Variants in SCAF11 observed in about 807,000 individuals in gnomAD.
SCAF11 encodes the protein protein SCAF11.
In SCAF11, 47 loss-of-function variants were observed where a neutral mutation model predicts 140.5. That is an observed-to-expected ratio of 0.33 (90% confidence interval 0.26 to 0.43). The LOEUF (loss-of-function observed/expected upper bound fraction) is 0.43. Ranked by LOEUF, SCAF11 falls within the 20% of genes least tolerant of loss-of-function variation. SCAF11 has a pLI of 1.00. For missense variants in SCAF11, 1,645 were observed against 1,705.1 expected, an observed-to-expected ratio of 0.96 and a Z score of 0.62; for synonymous variants, 557 against 579.4, an observed-to-expected ratio of 0.96 and a Z score of 0.55.
At position 45,927,708 on chromosome 12, in the gene SCAF11, T is replaced by G. The variant is rs755138958; in HGVS notation, c.1993A>C (p.Asn665His). The change falls in exon 11 of 15, where the codon AAT (asparagine) becomes CAT (histidine). Residue 665 changes from asparagine to histidine, a missense_variant. Around this residue, in one of 2 missense-constraint regions of SCAF11, gnomAD observed 1,582 missense variants for 1,609.2 expected, o/e 0.98. Coordinates refer to ENST00000369367, the MANE Select transcript of SCAF11 (RefSeq NM_004719.3). The part of the protein sequence containing the change: ...EDFNNIQDSE[N>H]NLLKNNLLNT... ...AGAAGATTATTTTTTAGTAAGTTAT[T>G]TTCAGAGTCTTGAATATTATTGAAA... 1.1e-5 allele frequency: 18 copies of G among 1,612,052 alleles called. No homozygotes were observed. Among genetic ancestry groups the G allele is most frequent in the Non-Finnish European group, 1.5e-5 (18 of 1,179,376 alleles).
chr12:45,986,249 C>T (rs1946455724), intron 1 of SCAF11, among the ~76,000 whole-genome samples: 1 of 152,202 alleles, frequency 6.6e-6, no homozygotes, highest in African/African-American at 2.4e-5. Flanking sequence ...TACCTGAAAG[C>T]TCCAAAGGTA....
At chr12:45,967,085 AATTTATAATTT>A (rs1945967225) in intron 1 of SCAF11, among the ~76,000 whole-genome samples, 1 of 152,100 alleles carries the variant, frequency 6.6e-6, no homozygotes, top group South Asian at 2.1e-4. Flanking sequence ...CCTGATATAT[AATTTATAATTT>A]ATATTTTAAA....
At chr12:45,944,861 C>T (rs1389646631) in intron 6 of SCAF11, among the ~76,000 whole-genome samples, 1 of 152,202 alleles carries the variant, frequency 6.6e-6, no homozygotes, top group Non-Finnish European at 1.5e-5. Flanking sequence ...CTGTGAATTA[C>T]TTTCTTGCTG....
rs147710939 is a variant in SCAF11 at position 45,926,860 on chromosome 12, T to G, written c.2841A>C (p.Thr947=). Residue 947 remains threonine (T), a synonymous_variant, in exon 11 of 15, where the codon ACA becomes ACC. Coordinates refer to ENST00000369367, the MANE Select transcript of SCAF11 (RefSeq NM_004719.3). ...SHSRSPSRCR[T]KSKSSSFGRI... is the part of the protein sequence containing the mutation. The stretch of plus-strand genomic sequence containing the variant: ...TACCAAATGATGAACTCTTACTTTT[T>G]GTTCTACATCTTGAGGGGGACCTAG... 1.2e-6 allele frequency: 2 copies of G among 1,614,036 alleles called. No individual in the cohort carries two copies. The highest frequency in any genetic ancestry group is 1.7e-6 in the Non-Finnish European group (2 of 1,180,044).
chr12:45,980,303 T>C (rs1946321574), intron 1 of SCAF11, among the ~76,000 whole-genome samples: 1 of 152,192 alleles, frequency 6.6e-6, no homozygotes, highest in African/African-American at 2.4e-5. Context: ...ACCTGCCTTC[T>C]TTATCACTAT....
At chr12:45,936,261 C>G (rs534330908) in intron 6 of SCAF11, among the ~76,000 whole-genome samples, 1 of 152,088 alleles carries the variant, frequency 6.6e-6, no homozygotes, top group Non-Finnish European at 1.5e-5. Flanking sequence ...CCTGTCTCGG[C>G]CTCCTGAGCA....
intron 6 of SCAF11, among the ~76,000 whole-genome samples, chr12:45,935,536 G>C (rs1037186697): frequency 6.6e-6 from 1 of 152,174 alleles, no homozygotes; most frequent in Admixed American, 6.6e-5. Flanking sequence ...AAATAACCAT[G>C]TTCCTTCAGC....
intron 1 of SCAF11, among the ~76,000 whole-genome samples, chr12:45,965,709 T>C (rs1592210508): frequency 6.6e-6 from 1 of 152,362 alleles, no homozygotes. Flanking sequence ...CAAGAAATCC[T>C]TGATTTTATC....
chr12:45,947,523 A>C (rs1449473986), intron 5 of SCAF11, among the ~76,000 whole-genome samples: 1 of 152,242 alleles, frequency 6.6e-6, no homozygotes, highest in African/African-American at 2.4e-5. Context: ...ATAACTGATG[A>C]AGAATGTTGT....
chr12:45,952,052 A>G (rs983787980), intron 3 of SCAF11, among the ~76,000 whole-genome samples: 3 of 152,172 alleles, frequency 2.0e-5, no homozygotes, highest in Non-Finnish European at 4.4e-5. Context: ...CTGTTACACT[A>G]AACTTGGGCC....
upstream of SCAF11, among the ~76,000 whole-genome samples, chr12:45,990,962 G>A (rs992694386): frequency 7.9e-5 from 12 of 152,264 alleles, no homozygotes; most frequent in African/African-American, 2.7e-4. Flanking sequence ...CAGTTTTACA[G>A]GCTGCGTCGC....
At position 45,945,327 on chromosome 12, in the gene SCAF11, T is replaced by C. The variant is rs924682914; in HGVS notation, c.399-14A>G. ...ATGGCTTTTCTTCTGTAAACATCAA[T>C]AAAGACAGGAAAGAATTAAGAAAAA... On this transcript the variant is annotated splice_polypyrimidine_tract_variant and intron_variant, in intron 5 of 14. Coordinates refer to ENST00000369367, the MANE Select transcript of SCAF11 (RefSeq NM_004719.3). 1 of 1,474,872 alleles carries C rather than the reference T, an allele frequency of 6.8e-7. No individual in the cohort carries two copies. Among genetic ancestry groups the C allele is most frequent in the Admixed American group, 2.2e-5 (1 of 46,306 alleles). 91.4% of individuals were successfully genotyped at this position (1,474,872 alleles called of 1,614,324 possible). A position where few individuals can be genotyped will look rare whatever the true frequency, so the allele number is the denominator to read the frequency against.
chr12:45,931,484 A>T, intron 10 of SCAF11, 22 bp downstream of exon 10: 1 of 1,202,782 alleles, frequency 8.3e-7, no homozygotes, highest in Non-Finnish European at 1.1e-6. Flanking sequence ...TTTAAAATAG[A>T]AAATGATTTC....
rs1482662983 is a variant in SCAF11, at chr12:45,922,114, A to G, written c.4326T>C (p.Tyr1442=). 1.2e-6 allele frequency: 2 copies of G among 1,613,520 alleles called. No homozygotes were observed. Among genetic ancestry groups the G allele is most frequent in the Non-Finnish European group, 1.7e-6 (2 of 1,179,870 alleles). ...TTTTCTTTTGGCTCCCCTTCCGTGA[A>G]TATTTGTATTTGTCTACATAGGCTT... ...LVKAYVDKYK[Y]SRKGSQKKTL... is the part of the protein sequence containing the mutation. The change falls in exon 15 of 15, where the codon TAT becomes TAC. Residue 1442 remains tyrosine (Y), a synonymous_variant. Transcript: ENST00000369367.
chr12:45,922,452 C>T lies in SCAF11; in HGVS notation c.4245+11G>A, dbSNP rs1182950406. 6 of 1,599,084 alleles carry T rather than the reference C, an allele frequency of 3.8e-6. No homozygotes were observed. Among genetic ancestry groups the T allele is most frequent in the Non-Finnish European group, 5.1e-6 (6 of 1,177,254 alleles). ...ACAACGTGCACATACTCCACTAAAG[C>T]CATAACTTACTTTATCTACTGCTTT... On this transcript the variant is annotated intron_variant, in intron 14 of 14. Coordinates refer to ENST00000369367, the MANE Select transcript of SCAF11 (RefSeq NM_004719.3).
At chr12:45,933,398 C>T (rs1244204360) in intron 8 of SCAF11, among the ~76,000 whole-genome samples, 166 bp from the exon 9 acceptor site, 1 of 151,764 alleles carries the variant, frequency 6.6e-6, no homozygotes, top group East Asian at 1.9e-4. Flanking sequence ...TAAACTCATT[C>T]CTAAAATAAG....
intron 5 of SCAF11, among the ~76,000 whole-genome samples, chr12:45,946,333 T>A (rs1215738125): frequency 6.6e-6 from 1 of 152,122 alleles, no homozygotes; most frequent in Non-Finnish European, 1.5e-5. Context: ...ATCCAGTAAA[T>A]AGAAGACTGA....
chr12:45,970,282 T>C (rs1438047653), intron 1 of SCAF11, among the ~76,000 whole-genome samples: 3 of 152,238 alleles, frequency 2.0e-5, no homozygotes, highest in African/African-American at 7.2e-5. Context: ...TCTTCCCACC[T>C]TGGTCTCCTA....
chr12:45,990,295 T>C (rs1396189124), intron 1 of SCAF11, 58 bp downstream of exon 1: 2 of 1,230,928 alleles, frequency 1.6e-6, no homozygotes, highest in African/African-American at 1.6e-5. Flanking sequence ...CCGCTAACCC[T>C]CGTCTCTCCC....
Sources: allele counts gnomAD v4.1 joint callset (sites outside exome capture counted in the v4.1 genomes callset), GRCh38; gene constraint gnomAD v4.1.1; regional missense constraint gnomAD v4.1.1; transcripts MANE v1.5; gene names NCBI Gene and HGNC (gene_info 2026-07-23, HGNC 2026-07-21).